PCDHGB4: variants seen among roughly 807,000 people sequenced by gnomAD.
PCDHGB4 encodes protocadherin gamma-B4.
A neutral mutation model predicts 60.5 loss-of-function variants in PCDHGB4; 38 were observed. That is an observed-to-expected ratio of 0.63 (90% CI 0.48 to 0.82). PCDHGB4 has a LOEUF of 0.82. PCDHGB4 is among the 40% of genes least tolerant of loss of function. The pLI, the probability that PCDHGB4 is intolerant of heterozygous loss-of-function variation, is 0.00. For synonymous variants in PCDHGB4, 456 were observed against 509.7 expected (o/e 0.89, Z 1.42); for missense variants, 1,109 against 1,209.6 (o/e 0.92, Z 1.23).
chr5:141,415,747 T>TTTG, intron 1 of PCDHGB4: 1 of 797,602 alleles, frequency 1.3e-6, no homozygotes, highest in East Asian at 4.8e-5. Flanking sequence ...AAGGTTTTTT[T>TTTG]TTTTTTTTTT....
intron 1 of PCDHGB4, among the ~76,000 whole-genome samples, chr5:141,452,356 C>G (rs1008914676): frequency 6.6e-6 from 1 of 152,148 alleles, no homozygotes; most frequent in African/African-American, 2.4e-5. Flanking sequence ...ATCCAAAAGC[C>G]TTGCTTCATT....
At chr5:141,492,163 C>T (rs921256341) in intron 1 of PCDHGB4, among the ~76,000 whole-genome samples, 22 of 152,232 alleles carry the variant, frequency 1.4e-4, no homozygotes, top group African/African-American at 5.3e-4. Context: ...CCTCCCTATC[C>T]CCGCATCACC....
At chr5:141,423,102 C>T (rs778561065) in intron 1 of PCDHGB4, 7 of 1,613,920 alleles carry the variant, frequency 4.3e-6, no homozygotes, top group Non-Finnish European at 4.2e-6. Context: ...AGCACACGGG[C>T]GAGGTGCGTA....
intron 1 of PCDHGB4, chr5:141,417,926 C>T (rs779409064): frequency 6.2e-7 from 1 of 1,610,108 alleles, no homozygotes; most frequent in East Asian, 2.2e-5. Context: ...TTTGCTGCTG[C>T]CTTTGTTCTA....
In PCDHGB4 at chr5:141,413,886, C is replaced by T. The variant is rs916273509; in HGVS notation, c.2397+23605C>T. The T allele has an allele frequency of 8.7e-6, 14 of 1,613,202 alleles. No homozygotes were observed. The African/African-American group carries it at 1.7e-4, about 20-fold the overall frequency. On this transcript the variant is annotated intron_variant, in intron 1 of 3. Transcript: ENST00000519479. ...CTGTCCTTGTCAGTGTGACTGTCTT[C>T]GATGCAAATGACAACGCGCCGGTCT...
chr5:141,454,489 C>T (rs1450435753), intron 1 of PCDHGB4, among the ~76,000 whole-genome samples: 1 of 152,222 alleles, frequency 6.6e-6, no homozygotes, highest in African/African-American at 2.4e-5. Flanking sequence ...TCACCGCAAC[C>T]TCCACCTCCT....
intron 1 of PCDHGB4, among the ~76,000 whole-genome samples, chr5:141,457,594 TA>T (rs1239366532): frequency 6.6e-6 from 1 of 152,250 alleles, no homozygotes; most frequent in Non-Finnish European, 1.5e-5. Flanking sequence ...TCATTTTTGG[TA>T]AAAACTAATT....
Position 141,431,740 on chromosome 5 carries a change from T to C in PCDHGB4, c.2397+41459T>C. 6.2e-7 allele frequency: 1 copy of C among 1,614,230 alleles called. No individual in the cohort carries two copies. Among genetic ancestry groups the C allele is most frequent in the South Asian group, 1.1e-5 (1 of 91,088 alleles). On this transcript the variant is annotated intron_variant, in intron 1 of 3. Transcript: ENST00000519479. This position sits in a 1 kb window ranked among gnomAD's most constrained non-coding sequence, Gnocchi z 4.8. ...TGCAAGCAATGGATAATGCAGGATA[T>C]TCTGCGCGAGCCAAAGTCCTGATCA... is the stretch of plus-strand genomic sequence containing the variant.
intron 1 of PCDHGB4, chr5:141,422,968 C>A (rs766010601): frequency 6.2e-7 from 1 of 1,614,240 alleles, no homozygotes; most frequent in Non-Finnish European, 8.5e-7. Context: ...GCTGGCGCCC[C>A]GCTCTGCGGA....
At chr5:141,404,437 C>T in intron 1 of PCDHGB4, 3 of 1,613,094 alleles carry the variant, frequency 1.9e-6, no homozygotes, top group Non-Finnish European at 2.5e-6. Context: ...CAGAGGATAC[C>T]ATCCAAGGGT....
intron 1 of PCDHGB4, chr5:141,398,904 C>T: frequency 6.2e-7 from 1 of 1,613,930 alleles, no homozygotes; most frequent in Non-Finnish European, 8.5e-7. Context: ...CACCAGGCAC[C>T]ACTGTGTTGC....
intron 1 of PCDHGB4, among the ~76,000 whole-genome samples, chr5:141,444,253 C>T (rs2154560603): frequency 7.0e-6 from 1 of 142,690 alleles, no homozygotes; most frequent in South Asian, 2.3e-4. Flanking sequence ...CTCACTGCAA[C>T]CTCCGCCTCC....
intron 1 of PCDHGB4, chr5:141,415,743 T>G (rs1317934891): frequency 9.6e-6 from 3 of 311,420 alleles, no homozygotes; most frequent in Non-Finnish European, 1.2e-5. Context: ...TATTAAGGTT[T>G]TTTTTTTTTT....
chr5:141,392,597 C>G (rs761805266), intron 1 of PCDHGB4: 11 of 501,346 alleles, frequency 2.2e-5, no homozygotes, highest in Non-Finnish European at 3.8e-5. Context: ...TGTTCACCTA[C>G]TGGAAGACAA....
intron 1 of PCDHGB4, chr5:141,400,138 A>T: frequency 6.2e-7 from 1 of 1,614,046 alleles, no homozygotes; most frequent in Non-Finnish European, 8.5e-7. Flanking sequence ...GCTGCCGGAT[A>T]TCACTGACCG....
chr5:141,505,287 TG>T, intron 2 of PCDHGB4, 105 bp from the exon 3 acceptor site: 1 of 1,550,864 alleles, frequency 6.4e-7, no homozygotes, highest in Middle Eastern at 2.1e-4. Context: ...GTCTTGGGCA[TG>T]GGGTAGGGTT....
rs749937052 is a variant in PCDHGB4, at chr5:141,490,441, G to A, written c.2398-4366G>A. ...CCTGCCATTTCAGATTAAGCCTTCT[G>A]AGAACCACTACTCGCTGCTAACCAG... On this transcript the variant is annotated intron_variant, in intron 1 of 3. Coordinates refer to ENST00000519479, the MANE Select transcript of PCDHGB4 (RefSeq NM_003736.4). The surrounding 1 kb of genome is among the most constrained non-coding windows in gnomAD (Gnocchi z 5.4). The A allele has an allele frequency of 9.3e-6, 15 of 1,614,208 alleles. No homozygotes were observed. The highest frequency in any genetic ancestry group is 1.2e-5 in the Non-Finnish European group (14 of 1,180,042).
At chr5:141,501,926 C>T (rs1388315216) in intron 2 of PCDHGB4, among the ~76,000 whole-genome samples, 1 of 152,126 alleles carries the variant, frequency 6.6e-6, no homozygotes, top group African/African-American at 2.4e-5. Flanking sequence ...AGCTTTGTTC[C>T]CTCAACACCA....
chr5:141,478,394 G>T (rs2099453142), intron 1 of PCDHGB4: 4 of 1,613,586 alleles, frequency 2.5e-6, no homozygotes, highest in Non-Finnish European at 3.4e-6. Flanking sequence ...TTACCATCAG[G>T]TGTATCTCAC....
Sources: gnomAD v4.1 joint callset for allele counts (sites outside exome capture counted in the v4.1 genomes callset) on GRCh38, gnomAD v4.1.1 for gene constraint, Gnocchi (gnomAD v3.1) non-coding constraint, MANE v1.5 for transcripts, NCBI Gene and HGNC (gene_info 2026-07-23, HGNC 2026-07-21) for gene names.